Variants in FADS6 observed in about 807,000 individuals in gnomAD.
FADS6 encodes fatty acid desaturase 6, also known as fatty acid desaturase domain family, member 6.
Under a neutral mutation model 31.7 loss-of-function variants are expected in FADS6, and 28 were observed. The ratio of observed to expected loss-of-function variants is 0.88; its 90% CI spans 0.66 to 1.21. FADS6 has a LOEUF of 1.21. Ranked by LOEUF, FADS6 falls within the 50% of genes most tolerant of loss-of-function variation. The pLI is 0.00. For synonymous variants in FADS6, 191 were observed against 213.1 expected (o/e 0.90, Z 0.90); for missense variants, 494 against 504.2 (o/e 0.98, Z 0.19).
At chr17:74,888,632 C>T (rs994049820) in intron 2 of FADS6, among the ~76,000 whole-genome samples, 2 of 152,134 alleles carry the variant, frequency 1.3e-5, no homozygotes, top group Non-Finnish European at 2.9e-5. Flanking sequence ...GGCAGAGCTC[C>T]GGTCCAGCAG....
At chr17:74,890,698 G>A (rs1169877002) in intron 2 of FADS6, among the ~76,000 whole-genome samples, 8 of 152,214 alleles carry the variant, frequency 5.3e-5, no homozygotes, top group Non-Finnish European at 1.2e-4. Flanking sequence ...TGGGCTTACG[G>A]GGACAAGACA....
rs1598552016 is a variant in FADS6 at position 74,878,483 on chromosome 17, G to A, written c.961-6C>T. On this transcript the variant is annotated splice_region_variant and splice_polypyrimidine_tract_variant and intron_variant, in intron 5 of 5. Coordinates refer to ENST00000612771, the MANE Select transcript of FADS6 (RefSeq NM_178128.6). Reference sequence around the variant, plus strand: ...TGGGACACCACGGGCTTCACCTGGTGGAAGATGGGCAGGAGAGGGCCTATG... The same window carrying A: ...TGGGACACCACGGGCTTCACCTGGTAGAAGATGGGCAGGAGAGGGCCTATG... The A allele has an allele frequency of 1.2e-6, 2 of 1,613,688 alleles. No homozygotes were observed. Among genetic ancestry groups the A allele is most frequent in the Non-Finnish European group, 1.7e-6 (2 of 1,179,668 alleles).
chr17:74,876,318 C>T (rs139858002), downstream of FADS6, among the ~76,000 whole-genome samples: 11 of 152,312 alleles, frequency 7.2e-5, 1 homozygote, highest in East Asian at 2.1e-3. Flanking sequence ...CACTGAAAAA[C>T]AAGGCAATTA....
At chr17:74,876,718 AC>A (rs2038510486), downstream of FADS6, among the ~76,000 whole-genome samples, 1 of 151,992 alleles carries the variant, frequency 6.6e-6, no homozygotes, top group Non-Finnish European at 1.5e-5. Flanking sequence ...AATCGCTTGA[AC>A]CTGGGAGGCA....
rs994268422 is a variant in FADS6 at position 74,877,699 on chromosome 17, C to G, written c.*632G>C. The G allele has an allele frequency of 1.0e-6, 1 of 985,572 alleles. No individual in the cohort carries two copies. The highest frequency in any genetic ancestry group is 1.7e-5 in the African/African-American group (1 of 57,372). 61.1% of individuals were successfully genotyped at this position (985,572 alleles called of 1,614,324 possible). A position where few individuals can be genotyped will look rare whatever the true frequency, so the allele number is the denominator to read the frequency against. ...TTCTCCCCTCACTTCCCCTGGAGTTCCCTCCCGACAAAACACACTCACTTT... is the reference window on the plus strand; with the variant it reads ...TTCTCCCCTCACTTCCCCTGGAGTTGCCTCCCGACAAAACACACTCACTTT... On this transcript the variant is annotated 3_prime_UTR_variant, in exon 6 of 6. Coordinates refer to ENST00000612771, the MANE Select transcript of FADS6 (RefSeq NM_178128.6).
chr17:74,879,715 C>T (rs189976039), intron 4 of FADS6, 132 bp from the exon 5 acceptor site: 3 of 917,804 alleles, frequency 3.3e-6, no homozygotes, highest in African/African-American at 1.7e-5. Context: ...GGTAGAGGGG[C>T]TCCTGGCCCA....
At chr17:74,884,830 C>A (rs989798326) in intron 2 of FADS6, among the ~76,000 whole-genome samples, 1 of 152,100 alleles carries the variant, frequency 6.6e-6, no homozygotes, top group Non-Finnish European at 1.5e-5. Context: ...GCCTCAGCCT[C>A]CTGAGTAGCT....
rs770343620 is a variant in FADS6 at position 74,893,478 on chromosome 17, C to G, written c.118G>C (p.Gly40Arg). Residue 40 changes from glycine (G) to arginine (R), a missense_variant, in exon 1 of 6, where the codon GGG becomes CGG. Around this residue, in one of 2 missense-constraint regions of FADS6, gnomAD observed 454 missense variants for 438.5 expected, o/e 1.04. Coordinates refer to ENST00000612771, the MANE Select transcript of FADS6 (RefSeq NM_178128.6). ...AGCTCCCGCAGCAGCGCCTCGCCCC[C>G]ACGGTGCGCGCTCCGCGCCGGTTCC... ...PMEPARSAHR[G>R]GEALLRELEV... 4 of 1,585,422 alleles carry G rather than the reference C, an allele frequency of 2.5e-6. No individual in the cohort carries two copies. The highest frequency in any genetic ancestry group is 2.3e-5 in the East Asian group (1 of 42,808).
At position 74,879,521 on chromosome 17, in the gene FADS6, C is replaced by T. The variant is rs764461906; in HGVS notation, c.843G>A (p.Leu281=). The change falls in exon 5 of 6, where the codon CTG becomes CTA. Residue 281 remains leucine (L), a synonymous_variant. Transcript: ENST00000612771. ...GCAGCCGGGCCAGGTTAAGCACCCC[C>T]AGGCTCATCATGTGAATCCGACGGG... The part of the protein sequence containing the change: ...NKPRRIHMMS[L]GVLNLARLPV... 8 of 1,613,856 alleles carry T rather than the reference C, an allele frequency of 5.0e-6. No homozygotes were observed. Among genetic ancestry groups the T allele is most frequent in the Non-Finnish European group, 5.9e-6 (7 of 1,179,884 alleles).
intron 4 of FADS6, among the ~76,000 whole-genome samples, chr17:74,880,706 G>A (rs2038558293): frequency 6.6e-6 from 1 of 152,112 alleles, no homozygotes; most frequent in Non-Finnish European, 1.5e-5. Flanking sequence ...GGGTGGTCGG[G>A]AGGGGACCAC....
chr17:74,876,007 G>A (rs951472650), downstream of FADS6, among the ~76,000 whole-genome samples: 1 of 152,204 alleles, frequency 6.6e-6, no homozygotes, highest in African/African-American at 2.4e-5. Context: ...CCGCAAGCCT[G>A]GAGGGAGCTG....
intron 2 of FADS6, among the ~76,000 whole-genome samples, chr17:74,889,718 A>T (rs1160269499): frequency 1.3e-5 from 2 of 151,772 alleles, no homozygotes; most frequent in African/African-American, 2.4e-5. Context: ...TACAAAAAAA[A>T]AAATTAGCTG....
At position 74,878,122 on chromosome 17, in the gene FADS6, C is replaced by T. The variant is rs1400589770; in HGVS notation, c.*209G>A. The T allele has an allele frequency of 1.6e-5, 22 of 1,413,116 alleles. No individual in the cohort carries two copies. In the East Asian group the frequency reaches 5.7e-4, roughly 37 times the overall value. 87.5% of individuals were successfully genotyped at this position (1,413,116 alleles called of 1,614,324 possible). A position where few individuals can be genotyped will look rare whatever the true frequency, so the allele number is the denominator to read the frequency against. On this transcript the variant is annotated 3_prime_UTR_variant, in exon 6 of 6. Coordinates refer to ENST00000612771, the MANE Select transcript of FADS6 (RefSeq NM_178128.6). Reference sequence around the variant, plus strand: ...GAATGCACAGCCACCATTACCGCTTCACCCAGACACCCCTCAAAACCCAGA... The same window carrying T: ...GAATGCACAGCCACCATTACCGCTTTACCCAGACACCCCTCAAAACCCAGA...
Position 74,878,212 on chromosome 17 carries a change from G to A in FADS6, c.*119C>T, listed in dbSNP as rs564236952. On this transcript the variant is annotated 3_prime_UTR_variant, in exon 6 of 6. Transcript: ENST00000612771. The stretch of plus-strand genomic sequence containing the variant: ...AGCTCCCCTGCCCCCCTGCCTGGCC[G>A]GTGCCTCCACTCTCCAGGTCCACCA... 2,950 of 1,442,552 alleles carry A rather than the reference G, an allele frequency of 2.0e-3. 13 individuals carry two copies. The highest frequency in any genetic ancestry group is 2.4e-3 in the Non-Finnish European group (2,600 of 1,100,696). The allele number at this position is 1,442,552 out of a possible 1,614,324, so 89.4% of individuals were successfully genotyped here.
chr17:74,879,281 C>G lies in FADS6; in HGVS notation c.960+123G>C. ...CAAACTCCTGGGCTCAAGCAATCTG[C>G]CCACCTCAGCCTCCGCAAGTGCCAG... On this transcript the variant is annotated intron_variant, in intron 5 of 5. Transcript: ENST00000612771. The G allele has an allele frequency of 2.4e-6, 3 of 1,226,132 alleles. No homozygotes were observed. The African/African-American group carries it at 4.6e-5, about 19-fold the overall frequency. 76.0% of individuals were successfully genotyped at this position (1,226,132 alleles called of 1,614,324 possible).
Position 74,878,202 on chromosome 17 carries a change from C to A in FADS6, c.*129G>T. 2.8e-6 allele frequency: 4 copies of A among 1,443,084 alleles called. No homozygotes were observed. The highest frequency in any genetic ancestry group is 3.6e-6 in the Non-Finnish European group (4 of 1,101,824). The allele number at this position is 1,443,084 out of a possible 1,614,324, so 89.4% of individuals were successfully genotyped here. On this transcript the variant is annotated 3_prime_UTR_variant, in exon 6 of 6. Coordinates refer to ENST00000612771, the MANE Select transcript of FADS6 (RefSeq NM_178128.6). The stretch of plus-strand genomic sequence containing the variant: ...CCCAGGCCTGAGCTCCCCTGCCCCC[C>A]TGCCTGGCCGGTGCCTCCACTCTCC...
Position 74,879,408 on chromosome 17 carries a change from A to G in FADS6, c.956T>C (p.Leu319Pro). 1 of 1,613,610 alleles carries G rather than the reference A, an allele frequency of 6.2e-7. No individual in the cohort carries two copies. Among genetic ancestry groups the G allele is most frequent in the Non-Finnish European group, 8.5e-7 (1 of 1,179,708 alleles). The part of the protein sequence containing the change: ...LFPRLSDNMC[L>P]KVKPVVSQFL... ...CCCAGCCCAGCCCTCGACTACCTTC[A>G]GGCACATGTTATCAGAGAGCCTGGG... Residue 319 changes from leucine to proline, a missense_variant, in exon 5 of 6, where the codon CTG becomes CCG. Around this residue, in one of 2 missense-constraint regions of FADS6, gnomAD observed 454 missense variants for 438.5 expected, o/e 1.04. Coordinates refer to ENST00000612771, the MANE Select transcript of FADS6 (RefSeq NM_178128.6).
downstream of FADS6, among the ~76,000 whole-genome samples, chr17:74,875,223 A>G (rs567068364): frequency 6.6e-6 from 1 of 152,312 alleles, no homozygotes; most frequent in Admixed American, 6.5e-5. Context: ...TGTCTGTAAC[A>G]TTTGGGGGAA....
chr17:74,877,707 A>G lies in FADS6; in HGVS notation c.*624T>C. 1 of 985,508 alleles carries G rather than the reference A, an allele frequency of 1.0e-6. No individual in the cohort carries two copies. Among genetic ancestry groups the G allele is most frequent in the Non-Finnish European group, 1.2e-6 (1 of 830,024 alleles). The allele number at this position is 985,508 out of a possible 1,614,324, so 61.0% of individuals were successfully genotyped here. On this transcript the variant is annotated 3_prime_UTR_variant, in exon 6 of 6. Coordinates refer to ENST00000612771, the MANE Select transcript of FADS6 (RefSeq NM_178128.6). ...TCACTTCCCCTGGAGTTCCCTCCCG[A>G]CAAAACACACTCACTTTTATCTTGC...
Sources: gnomAD v4.1 joint callset for allele counts (sites outside exome capture counted in the v4.1 genomes callset) on GRCh38, gnomAD v4.1.1 for gene constraint, gnomAD v4.1.1 regional missense constraint, MANE v1.5 for transcripts, NCBI Gene and HGNC (gene_info 2026-07-23, HGNC 2026-07-21) for gene names.